Variants in ASPG observed in about 807,000 individuals in gnomAD.
The protein encoded by ASPG is asparaginase.
A neutral mutation model predicts 63.2 loss-of-function variants in ASPG; 53 were observed. The ratio of observed to expected loss-of-function variants is 0.84; its 90% CI spans 0.67 to 1.05. The LOEUF (loss-of-function observed/expected upper bound fraction) is 1.05. Ranked by LOEUF, ASPG falls within the 50% of genes least tolerant of loss-of-function variation. The pLI, the probability that ASPG is intolerant of heterozygous loss-of-function variation, is 0.00. For missense variants in ASPG, 741 were observed against 794.4 expected (o/e 0.93, Z 0.81); for synonymous variants, 370 against 355.0 (o/e 1.04, Z -0.48).
In ASPG at chr14:104,109,568, GTGCATGTGTGTA is replaced by G. The variant is rs1414322165; in HGVS notation, c.1520+265_1520+276del. On this transcript the variant is annotated intron_variant, in intron 13 of 15. Coordinates refer to ENST00000551177, the MANE Select transcript of ASPG (RefSeq NM_001080464.3). The surrounding 1 kb of genome is among the most constrained non-coding windows in gnomAD (Gnocchi z 4.8). ...CAAGGGTGTCTCTGTGTGCACATGT[GTGCATGTGTGTA>G]TGCATGTGTGTGGGTGCATGTGTGT... Among the ~76,000 whole-genome samples, 1 of 151,628 alleles carries G rather than the reference GTGCATGTGTGTA, an allele frequency of 6.6e-6. No homozygotes were observed. Among genetic ancestry groups the G allele is most frequent in the Non-Finnish European group, 1.5e-5 (1 of 67,986 alleles).
rs745587624 is a variant in ASPG at position 104,104,654 on chromosome 14, C to T, written c.969C>T (p.Phe323=). The T allele has an allele frequency of 8.1e-6, 13 of 1,610,826 alleles. No homozygotes were observed. The East Asian group carries it at 1.1e-4, about 14-fold the overall frequency. The change falls in exon 9 of 16, where the codon TTC becomes TTT. Residue 323 remains phenylalanine (F), a synonymous_variant. Transcript: ENST00000551177. ...CGGGAGCCGGCGTCATCTCAGGCTT[C>T]GACATGACATCGGAGGCCGCCCTGG... ...AMAGAGVISG[F]DMTSEAALAK... is the part of the protein sequence containing the mutation.
chr14:104,106,859 G>A lies in ASPG; in HGVS notation c.1234G>A (p.Gly412Ser), dbSNP rs750346767. Residue 412 changes from glycine to serine, a missense_variant, in exon 11 of 16, where the codon GGT becomes AGT. Physicochemically the swap from Gly to Ser is moderately conservative, Grantham distance 56 (BLOSUM62 0). Coordinates refer to ENST00000551177, the MANE Select transcript of ASPG (RefSeq NM_001080464.3). ...PSLACAAAHA[G>S]DVEALQALVE... Reference sequence around the variant, plus strand: ...CCTGGCCTGTGCTGCTGCCCACGCCGGTGACGTGGAGGCGCTGCAGGCGCT... The same window carrying A: ...CCTGGCCTGTGCTGCTGCCCACGCCAGTGACGTGGAGGCGCTGCAGGCGCT... 26 of 1,596,550 alleles carry A rather than the reference G, an allele frequency of 1.6e-5. No homozygotes were observed. Among genetic ancestry groups the A allele is most frequent in the Admixed American group, 1.7e-5 (1 of 58,356 alleles).
intron 6 of ASPG, among the ~76,000 whole-genome samples, chr14:104,103,100 C>T (rs1596093624): frequency 6.6e-6 from 1 of 152,252 alleles, no homozygotes; most frequent in Non-Finnish European, 1.5e-5. Flanking sequence ...CGATGCTGCC[C>T]CATGCCTGTA....
In ASPG at chr14:104,109,263, GGGGCCTCCCTGTCCACCCA is replaced by G; in HGVS notation, c.1471_1489del (p.Ala491SerfsTer93). On this transcript the variant is annotated frameshift_variant, in exon 13 of 16. Coordinates refer to ENST00000551177, the MANE Select transcript of ASPG (RefSeq NM_001080464.3). LOFTEE classifies it high-confidence loss of function. The surrounding 1 kb of genome is among the most constrained non-coding windows in gnomAD (Gnocchi z 4.8). ...TGTCATTGGGTTGCTGCGGGAAGCC[GGGGCCTCCCTGTCCACCCA>G]GGAGCTGGAGGAAGCAGGGACGGAG... The G allele has an allele frequency of 1.2e-6, 2 of 1,613,058 alleles. No individual in the cohort carries two copies. The highest frequency in any genetic ancestry group is 1.7e-6 in the Non-Finnish European group (2 of 1,179,716).
chr14:104,104,366 C>T lies in ASPG; in HGVS notation c.816C>T (p.Asn272=), dbSNP rs371796932. 5.0e-5 allele frequency: 80 copies of T among 1,612,648 alleles called. No individual in the cohort carries two copies. Among genetic ancestry groups the T allele is most frequent in the African/African-American group, 3.2e-4 (24 of 75,058 alleles). ...TCATGGAGACCTTCGGTTCAGGGAA[C>T]GGACCCACCAAGCCCGACCTGCTGC... ...GVVMETFGSG[N]GPTKPDLLQE... Residue 272 remains asparagine (N), a synonymous_variant, in exon 8 of 16, where the codon AAC becomes AAT. Coordinates refer to ENST00000551177, the MANE Select transcript of ASPG (RefSeq NM_001080464.3).
At chr14:104,105,106 G>A in intron 9 of ASPG, 1 of 666,344 alleles carries the variant, frequency 1.5e-6, no homozygotes, top group South Asian at 1.9e-5. Flanking sequence ...GCTGGACGGA[G>A]GCTTTTGGGG....
At chr14:104,099,775 A>G (rs2036790276) in intron 6 of ASPG, among the ~76,000 whole-genome samples, 1 of 152,164 alleles carries the variant, frequency 6.6e-6, no homozygotes, top group African/African-American at 2.4e-5. Context: ...TGCTGTTTCA[A>G]GGCAGCCCCA....
At chr14:104,108,349 G>A (rs2037234398) in intron 12 of ASPG, 10 of 950,254 alleles carry the variant, frequency 1.1e-5, no homozygotes, top group African/African-American at 3.5e-5. Context: ...TGGGTGGCGC[G>A]GAGACGAGCT....
In ASPG at chr14:104,098,954, G is replaced by A; in HGVS notation, c.615G>A (p.Leu205=). The change falls in exon 6 of 16, where the codon CTG becomes CTA. Residue 205 remains leucine (L), a synonymous_variant. Coordinates refer to ENST00000551177, the MANE Select transcript of ASPG (RefSeq NM_001080464.3). ...AAFCSPNLLP[L]ATVGADITIN... ...TCTGCTCCCCGAACCTGCTGCCTCTGGCCACAGTGGGTGCTGACATCACAA... is the reference window on the plus strand; with the variant it reads ...TCTGCTCCCCGAACCTGCTGCCTCTAGCCACAGTGGGTGCTGACATCACAA... The A allele has an allele frequency of 6.3e-7, 1 of 1,599,408 alleles. No individual in the cohort carries two copies. The highest frequency in any genetic ancestry group is 8.5e-7 in the Non-Finnish European group (1 of 1,173,956).
intron 12 of ASPG, among the ~76,000 whole-genome samples, chr14:104,107,718 G>A (rs1791358410): frequency 6.6e-6 from 1 of 152,230 alleles, no homozygotes; most frequent in South Asian, 2.1e-4. Context: ...CCCAGCCTGT[G>A]CGTGTGGGGG....
chr14:104,110,077 C>T lies in ASPG; in HGVS notation c.1520+762C>T, dbSNP rs2037322401. 1.0e-6 allele frequency: 1 copy of T among 985,340 alleles called. No individual in the cohort carries two copies. The highest frequency in any genetic ancestry group is 6.1e-5 in the Admixed American group (1 of 16,290). The allele number at this position is 985,340 out of a possible 1,614,324, so 61.0% of individuals were successfully genotyped here. A position where few individuals can be genotyped will look rare whatever the true frequency, so the allele number is the denominator to read the frequency against. ...TGGTGACTTGGCGCTGCCTCCTGTG[C>T]CCAGCCTGGGCTGCCCGAGGCCAGG... On this transcript the variant is annotated intron_variant, in intron 13 of 15. Transcript: ENST00000551177. The surrounding 1 kb of genome is among the most constrained non-coding windows in gnomAD (Gnocchi z 4.7).
rs377612562 is a variant in ASPG, at chr14:104,086,167, G to A, written c.82+315G>A. Among the ~76,000 whole-genome samples the A allele has an allele frequency of 2.6e-5, 4 of 152,312 alleles. 1 individual carries two copies. The highest frequency in any genetic ancestry group is 1.9e-4 in the East Asian group (1 of 5,168). On this transcript the variant is annotated intron_variant, in intron 1 of 15. Coordinates refer to ENST00000551177, the MANE Select transcript of ASPG (RefSeq NM_001080464.3). ...TCCTGAAGTCCTGGAATATGGGGCGGGAGGGCCCCAGGGCATTGGCCTGCC... is the reference window on the plus strand; with the variant it reads ...TCCTGAAGTCCTGGAATATGGGGCGAGAGGGCCCCAGGGCATTGGCCTGCC...
chr14:104,105,233 C>A, intron 9 of ASPG, 95 bp from the exon 10 acceptor site: 1 of 1,593,484 alleles, frequency 6.3e-7, no homozygotes. Flanking sequence ...CCAAGGGCAA[C>A]CCCTGACTGT....
At chr14:104,096,139 C>A (rs372495003) in intron 4 of ASPG, among the ~76,000 whole-genome samples, 295 of 152,342 alleles carry the variant, frequency 1.9e-3, no homozygotes, top group African/African-American at 6.9e-3. Context: ...CCCTGCCTCT[C>A]TCACCCTAAC....
In ASPG at chr14:104,092,935, G is replaced by A. The variant is rs563115889; in HGVS notation, c.191+194G>A. On this transcript the variant is annotated intron_variant, in intron 2 of 15. Transcript: ENST00000551177. ...GAGCCTGAACCTCTGAGGGTGCCCC[G>A]TGCCTGGTCCCACCTTCCCTCCCCA... 3.4e-5 allele frequency: 20 copies of A among 585,546 alleles called. No individual in the cohort carries two copies. The East Asian group carries it at 4.2e-4, about 12-fold the overall frequency. The allele number at this position is 585,546 out of a possible 1,614,324, so 36.3% of individuals were successfully genotyped here.
In ASPG at chr14:104,114,505, T is replaced by G. The variant is rs1478733855; in HGVS notation, c.*1961T>G. On this transcript the variant is annotated 3_prime_UTR_variant, in exon 16 of 16. Coordinates refer to ENST00000551177, the MANE Select transcript of ASPG (RefSeq NM_001080464.3). ...CAGTGTCTCAGGAGGCTGTGAAGAG[T>G]CATAGGCTTGAGTCTGGGAGCTTTC... is the stretch of plus-strand genomic sequence containing the variant. 9 of 151,376 alleles carry G rather than the reference T, an allele frequency of 5.9e-5. No individual in the cohort carries two copies. In the East Asian group the frequency reaches 1.8e-3, roughly 30 times the overall value. The allele number at this position is 151,376 out of a possible 1,614,324, so 9.4% of individuals were successfully genotyped here.
chr14:104,108,552 G>A (rs34654790), intron 12 of ASPG: 16,759 of 985,436 alleles, frequency 0.017, 150 homozygotes, highest in Non-Finnish European at 0.019. Context: ...GGGTGATGGG[G>A]GGATCTGTGG....
In ASPG at chr14:104,107,074, G is replaced by A. The variant is rs45568635; in HGVS notation, c.1270-108G>A. 1.8e-3 allele frequency: 2,546 copies of A among 1,405,738 alleles called. 7 individuals are homozygous for A. Among genetic ancestry groups the A allele is most frequent in the Non-Finnish European group, 2.3e-3 (2,382 of 1,044,784 alleles). The allele number at this position is 1,405,738 out of a possible 1,614,324, so 87.1% of individuals were successfully genotyped here. ...TCTCACTGAGGCTTTGAGGGTGGGCGCAGGGGCTGTGCTGGGCCCTACCCT... is the reference window on the plus strand; with the variant it reads ...TCTCACTGAGGCTTTGAGGGTGGGCACAGGGGCTGTGCTGGGCCCTACCCT... On this transcript the variant is annotated intron_variant, in intron 11 of 15. Coordinates refer to ENST00000551177, the MANE Select transcript of ASPG (RefSeq NM_001080464.3).
Position 104,095,435 on chromosome 14 carries a change from C to T in ASPG, c.304-96C>T, listed in dbSNP as rs2036552281. On this transcript the variant is annotated intron_variant, in intron 3 of 15. Coordinates refer to ENST00000551177, the MANE Select transcript of ASPG (RefSeq NM_001080464.3). ...GTCCCACGGGTGCCTCCCCTGAGTC[C>T]TCCTCTCTGCATCCGGACCCTTTCC... 1.9e-6 allele frequency: 3 copies of T among 1,556,718 alleles called. No homozygotes were observed. The Admixed American group carries it at 5.2e-5, about 27-fold the overall frequency.
Sources: gnomAD v4.1 joint callset for allele counts (sites outside exome capture counted in the v4.1 genomes callset) on GRCh38, gnomAD v4.1.1 for gene constraint, Gnocchi (gnomAD v3.1) non-coding constraint, MANE v1.5 for transcripts, NCBI Gene and HGNC (gene_info 2026-07-23, HGNC 2026-07-21) for gene names.